Variants in KCNJ6 observed in about 807,000 individuals in gnomAD.
KCNJ6 encodes potassium inwardly rectifying channel subfamily J member 6.
In KCNJ6, 9 loss-of-function variants were observed where a neutral mutation model predicts 34.2. That is an observed-to-expected ratio of 0.26 (90% CI 0.16 to 0.46). The LOEUF is 0.46. Ranked by LOEUF, KCNJ6 falls within the 20% of genes least tolerant of loss-of-function variation. The pLI, the probability that KCNJ6 is intolerant of heterozygous loss-of-function variation, is 1.00. For synonymous variants in KCNJ6, 196 were observed against 207.1 expected (o/e 0.95, Z 0.46); for missense variants, 236 against 531.3 (o/e 0.44, Z 5.46).
chr21:37,775,927 T>C (rs2055139963), intron 2 of KCNJ6, among the ~76,000 whole-genome samples: 1 of 152,174 alleles, frequency 6.6e-6, no homozygotes, highest in Non-Finnish European at 1.5e-5. Flanking sequence ...ATTGAATCTA[T>C]AAATTACCTT....
intron 2 of KCNJ6, among the ~76,000 whole-genome samples, chr21:37,751,558 A>G (rs1458478906): frequency 6.6e-6 from 1 of 152,254 alleles, no homozygotes; most frequent in Non-Finnish European, 1.5e-5. Context: ...CATGAGAAGT[A>G]TGAGCAGACT....
At chr21:37,665,324 C>A (rs1289598334) in intron 3 of KCNJ6, among the ~76,000 whole-genome samples, 1 of 152,156 alleles carries the variant, frequency 6.6e-6, no homozygotes, top group Non-Finnish European at 1.5e-5. Flanking sequence ...GCAAGGCAGG[C>A]CATGGTGCCA....
chr21:37,770,020 T>A, intron 2 of KCNJ6, among the ~76,000 whole-genome samples: 1 of 152,216 alleles, frequency 6.6e-6, no homozygotes, highest in East Asian at 1.9e-4. Flanking sequence ...CTATTCTTTA[T>A]AAATTGCCCA....
intron 2 of KCNJ6, among the ~76,000 whole-genome samples, chr21:37,831,095 C>A (rs569540531): frequency 2.0e-5 from 3 of 152,332 alleles, no homozygotes; most frequent in African/African-American, 7.2e-5. Context: ...CCTTCTAGTC[C>A]ATTTCAGCCC....
At chr21:37,710,012 A>G (rs764027741) in intron 3 of KCNJ6, among the ~76,000 whole-genome samples, 3 of 151,794 alleles carry the variant, frequency 2.0e-5, no homozygotes, top group Admixed American at 2.0e-4. Context: ...CCAGTGTTCT[A>G]TGCAGTATTT....
intron 3 of KCNJ6, among the ~76,000 whole-genome samples, chr21:37,631,360 G>A (rs2054332937): frequency 6.6e-6 from 1 of 152,196 alleles, no homozygotes; most frequent in Non-Finnish European, 1.5e-5. Flanking sequence ...TGCAGATGAA[G>A]GACCCTCAGC....
intron 1 of KCNJ6, among the ~76,000 whole-genome samples, chr21:37,883,352 C>T (rs948487239): frequency 6.6e-6 from 1 of 152,194 alleles, no homozygotes; most frequent in African/African-American, 2.4e-5. Context: ...TCAAGCCTTA[C>T]AAAAACAAGT....
rs996145193 is a variant in KCNJ6, at chr21:37,608,885, G to C, written c.*16274C>G. ...ACTCAGGCAAGTGAATACACATTTG[G>C]AGTAATAAAATATGGGGCATCAGCT... On this transcript the variant is annotated 3_prime_UTR_variant, in exon 4 of 4. Transcript: ENST00000609713. 2.8e-4 allele frequency: 42 copies of C among 152,188 alleles called. No homozygotes were observed. The highest frequency in any genetic ancestry group is 9.4e-4 in the African/African-American group (39 of 41,432). 9.4% of individuals were successfully genotyped at this position (152,188 alleles called of 1,614,324 possible).
intron 1 of KCNJ6, among the ~76,000 whole-genome samples, chr21:37,867,997 T>TG (rs2055631514): frequency 3.3e-5 from 5 of 152,210 alleles, no homozygotes; most frequent in Non-Finnish European, 5.9e-5. Context: ...CGCTAGTTCT[T>TG]GTGTGGATGG....
At chr21:37,843,960 T>C (rs1000319503) in intron 1 of KCNJ6, among the ~76,000 whole-genome samples, 9 of 152,184 alleles carry the variant, frequency 5.9e-5, no homozygotes, top group Admixed American at 5.2e-4. Flanking sequence ...GTCCCTAATT[T>C]CCATGAATGG....
chr21:37,655,220 TGTGTGAGAGA>T (rs2054455663), intron 3 of KCNJ6, among the ~76,000 whole-genome samples: 2 of 8,914 alleles, frequency 2.2e-4, no homozygotes, highest in Non-Finnish European at 9.7e-4. Flanking sequence ...TGTGTGTGTG[TGTGTGAGAGA>T]GAGAGAGAGA....
chr21:37,722,673 A>G (rs1319976688), intron 2 of KCNJ6, among the ~76,000 whole-genome samples: 1 of 152,242 alleles, frequency 6.6e-6, no homozygotes, highest in Non-Finnish European at 1.5e-5. Flanking sequence ...GTTGACAAAA[A>G]TAAGCAGTGG....
chr21:37,825,503 C>T (rs1027861447), intron 2 of KCNJ6, among the ~76,000 whole-genome samples: 3 of 152,176 alleles, frequency 2.0e-5, no homozygotes, highest in African/African-American at 7.2e-5. Flanking sequence ...CAATACCTCA[C>T]TCGATCCAAC....
intron 2 of KCNJ6, among the ~76,000 whole-genome samples, chr21:37,747,786 AGCAGTAATGCAGTCCT>A (rs1340845882): frequency 6.6e-6 from 1 of 152,238 alleles, no homozygotes; most frequent in Admixed American, 6.5e-5. Flanking sequence ...TGGAAGGTGC[AGCAGTAATGCAGTCCT>A]GCTGAAAACA....
At chr21:37,720,102 T>TC (rs1556024640) in intron 2 of KCNJ6, among the ~76,000 whole-genome samples, 1 of 151,582 alleles carries the variant, frequency 6.6e-6, no homozygotes, top group Non-Finnish European at 1.5e-5. Flanking sequence ...CAATTTTGGG[T>TC]GGGGGGGTTC....
chr21:37,728,957 G>A (rs2054869897), intron 2 of KCNJ6, among the ~76,000 whole-genome samples: 1 of 152,134 alleles, frequency 6.6e-6, no homozygotes, highest in Non-Finnish European at 1.5e-5. Context: ...GTCATGTGAA[G>A]GTGAGCTGGT....
At chr21:37,906,079 T>C (rs1181373997) in intron 1 of KCNJ6, among the ~76,000 whole-genome samples, 1 of 151,846 alleles carries the variant, frequency 6.6e-6, no homozygotes, top group Non-Finnish European at 1.5e-5. Context: ...ATGAGACTAT[T>C]AATTTTGAAA....
intron 1 of KCNJ6, among the ~76,000 whole-genome samples, chr21:37,855,036 CACA>C (rs2055557690): frequency 1.3e-5 from 2 of 152,200 alleles, no homozygotes; most frequent in African/African-American, 4.8e-5. Flanking sequence ...GAATTTGCCA[CACA>C]ACAACAGCAG....
At chr21:37,652,504 TG>T (rs2054438437) in intron 3 of KCNJ6, among the ~76,000 whole-genome samples, 1 of 152,194 alleles carries the variant, frequency 6.6e-6, no homozygotes, top group Non-Finnish European at 1.5e-5. Context: ...TTTTTTTTGT[TG>T]TTTTGTTTTA....
Sources: gnomAD v4.1 joint callset for allele counts (sites outside exome capture counted in the v4.1 genomes callset) on GRCh38, gnomAD v4.1.1 for gene constraint, MANE v1.5 for transcripts, NCBI Gene and HGNC (gene_info 2026-07-23, HGNC 2026-07-21) for gene names.